The following RSU1 variants were observed in gnomAD, a reference collection of about 807,000 sequenced individuals.
The protein encoded by RSU1 is Ras suppressor protein 1, also known as rsu-1.
A neutral mutation model predicts 31.1 loss-of-function variants in RSU1; 26 were observed. That is an observed-to-expected ratio of 0.84 (90% confidence interval 0.61 to 1.16). RSU1 has a LOEUF of 1.16. Ranked by LOEUF, RSU1 falls within the 50% of genes most tolerant of loss-of-function variation. The pLI is 0.00. For synonymous variants in RSU1, 164 were observed against 136.3 expected, an observed-to-expected ratio of 1.20 and a Z score of -1.41; for missense variants, 320 against 339.1, an observed-to-expected ratio of 0.94 and a Z score of 0.44.
intron 8 of RSU1, among the ~76,000 whole-genome samples, chr10:16,622,520 G>A (rs1172557773): frequency 6.6e-6 from 1 of 152,146 alleles, no homozygotes; most frequent in Non-Finnish European, 1.5e-5. Flanking sequence ...ATTGAAAAAG[G>A]CTATAAACTA....
intron 7 of RSU1, among the ~76,000 whole-genome samples, chr10:16,747,079 T>C (rs923665479): frequency 6.6e-6 from 1 of 152,124 alleles, no homozygotes; most frequent in Non-Finnish European, 1.5e-5. Context: ...GCTCCAGCAA[T>C]GGGGAGCCAT....
At chr10:16,768,017 A>G (rs1837349471) in intron 3 of RSU1, among the ~76,000 whole-genome samples, 2 of 152,254 alleles carry the variant, frequency 1.3e-5, no homozygotes, top group Admixed American at 1.3e-4. Flanking sequence ...TTTTCTAGAT[A>G]TCTACAGGAT....
At chr10:16,735,008 C>G (rs1029132387) in intron 7 of RSU1, among the ~76,000 whole-genome samples, 5 of 152,108 alleles carry the variant, frequency 3.3e-5, no homozygotes, top group African/African-American at 1.2e-4. Flanking sequence ...TAGAAAAAAT[C>G]ATTCCCTTAA....
intron 3 of RSU1, among the ~76,000 whole-genome samples, chr10:16,781,644 C>A (rs371726629): frequency 6.6e-6 from 1 of 152,142 alleles, no homozygotes; most frequent in Non-Finnish European, 1.5e-5. Context: ...GAACCACTTC[C>A]AGAGCAACAA....
At chr10:16,764,531 A>C in intron 3 of RSU1, 21 bp from the exon 4 acceptor site, 1 of 1,605,404 alleles carries the variant, frequency 6.2e-7, no homozygotes, top group Non-Finnish European at 8.5e-7. Context: ...AAAAATGCTG[A>C]GTGTGAATCT....
intron 2 of RSU1, among the ~76,000 whole-genome samples, chr10:16,811,346 A>T (rs1359977814): frequency 2.0e-5 from 3 of 152,226 alleles, no homozygotes; most frequent in Non-Finnish European, 4.4e-5. Context: ...TAAGTAATGC[A>T]TGAGTGTTCT....
intron 8 of RSU1, among the ~76,000 whole-genome samples, chr10:16,618,265 A>G (rs969222747): frequency 1.4e-4 from 21 of 152,228 alleles, no homozygotes; most frequent in African/African-American, 5.1e-4. Flanking sequence ...GCAAATCAAA[A>G]CCACAATGAG....
At chr10:16,759,737 C>G (rs1174853411) in intron 4 of RSU1, among the ~76,000 whole-genome samples, 1 of 152,172 alleles carries the variant, frequency 6.6e-6, no homozygotes, top group Non-Finnish European at 1.5e-5. Flanking sequence ...GAAAATAACT[C>G]TATGAAATAA....
At chr10:16,670,731 T>C (rs1293959324) in intron 8 of RSU1, among the ~76,000 whole-genome samples, 1 of 152,156 alleles carries the variant, frequency 6.6e-6, no homozygotes, top group African/African-American at 2.4e-5. Flanking sequence ...TGGTGTTCCC[T>C]TGGTCAGTAC....
At chr10:16,674,277 C>A (rs1835179148) in intron 8 of RSU1, among the ~76,000 whole-genome samples, 1 of 151,948 alleles carries the variant, frequency 6.6e-6, no homozygotes, top group Non-Finnish European at 1.5e-5. Flanking sequence ...AAGGCTGCAG[C>A]CTTGGAAACA....
intron 2 of RSU1, among the ~76,000 whole-genome samples, chr10:16,792,136 T>C (rs1302612478): frequency 6.6e-6 from 1 of 152,126 alleles, no homozygotes; most frequent in Non-Finnish European, 1.5e-5. Flanking sequence ...TTCTGTAACG[T>C]TGGTCATAAA....
intron 2 of RSU1, among the ~76,000 whole-genome samples, chr10:16,787,424 C>T (rs927251129): frequency 2.0e-5 from 3 of 152,148 alleles, no homozygotes; most frequent in Non-Finnish European, 2.9e-5. Flanking sequence ...ACTTGCCCAA[C>T]CCGCACGGCT....
chr10:16,758,489 G>A (rs1007932679), intron 4 of RSU1, among the ~76,000 whole-genome samples: 3 of 152,200 alleles, frequency 2.0e-5, no homozygotes, highest in Non-Finnish European at 1.5e-5. Flanking sequence ...AAAGTATGGA[G>A]CTTTAAGGTA....
At chr10:16,661,290 G>A (rs1834885493) in intron 8 of RSU1, among the ~76,000 whole-genome samples, 2 of 37,396 alleles carry the variant, frequency 5.3e-5, no homozygotes, top group African/African-American at 3.9e-4. Flanking sequence ...GAGAGTGCGT[G>A]TGTGTGTGTG....
At chr10:16,685,254 C>T (rs1835420185) in intron 8 of RSU1, among the ~76,000 whole-genome samples, 1 of 152,024 alleles carries the variant, frequency 6.6e-6, no homozygotes, top group South Asian at 2.1e-4. Flanking sequence ...CGTCTCAAAA[C>T]CAAACAACAC....
intron 8 of RSU1, among the ~76,000 whole-genome samples, chr10:16,659,388 C>A (rs1834848081): frequency 7.3e-6 from 1 of 137,104 alleles, no homozygotes; most frequent in Admixed American, 8.0e-5. Context: ...TTTAAAAATA[C>A]AAATATTCAA....
rs1477434833 is a variant in RSU1, at chr10:16,706,844, CTA to C, written c.599-11691_599-11690del. ...ATTTATTCCTACTGTCTAAATGTAA[CTA>C]TGTACCCACTGGCCAACATCTCTGC... On this transcript the variant is annotated intron_variant, in intron 7 of 8. Transcript: ENST00000345264. Among the ~76,000 whole-genome samples, 5 of 152,252 alleles carry C rather than the reference CTA, an allele frequency of 3.3e-5. No individual in the cohort carries two copies. In the East Asian group the frequency reaches 9.7e-4, roughly 29 times the overall value.
intron 7 of RSU1, among the ~76,000 whole-genome samples, chr10:16,718,772 G>C (rs1305591652): frequency 6.6e-6 from 1 of 152,104 alleles, no homozygotes; most frequent in Non-Finnish European, 1.5e-5. Flanking sequence ...CCTGAGGTTA[G>C]TAGATCAAGA....
intron 8 of RSU1, among the ~76,000 whole-genome samples, chr10:16,664,230 C>CATA (rs1314057348): frequency 6.6e-6 from 1 of 152,138 alleles, no homozygotes; most frequent in African/African-American, 2.4e-5. Flanking sequence ...ACAGATCACT[C>CATA]CACGGATATT....
Sources: gnomAD v4.1 joint callset for allele counts (sites outside exome capture counted in the v4.1 genomes callset) on GRCh38, gnomAD v4.1.1 for gene constraint, MANE v1.5 for transcripts, NCBI Gene and HGNC (gene_info 2026-07-23, HGNC 2026-07-21) for gene names.